SLCO6A1: variants seen among roughly 807,000 people sequenced by gnomAD.
SLCO6A1 encodes solute carrier organic anion transporter family member 6A1.
SLCO6A1 carries 65 observed loss-of-function variants against 72.7 expected under a neutral mutation model. The ratio of observed to expected loss-of-function variants is 0.89; its 90% CI spans 0.73 to 1.10. SLCO6A1 has a LOEUF of 1.10. Ranked by LOEUF, SLCO6A1 falls within the 50% of genes least tolerant of loss-of-function variation. The pLI is 0.00. For missense variants in SLCO6A1, 874 were observed against 872.6 expected, an observed-to-expected ratio of 1.00 and a Z score of -0.02; for synonymous variants, 314 against 298.2, an observed-to-expected ratio of 1.05 and a Z score of -0.55.
intron 10 of SLCO6A1, among the ~76,000 whole-genome samples, chr5:102,398,305 G>A (rs1459808737): frequency 6.6e-6 from 1 of 151,996 alleles, no homozygotes; most frequent in African/African-American, 2.4e-5. Flanking sequence ...AGCCTTCTGA[G>A]TAGCTGGGAT....
intron 12 of SLCO6A1, among the ~76,000 whole-genome samples, chr5:102,380,270 A>G (rs1746036929): frequency 7.0e-6 from 1 of 143,588 alleles, no homozygotes; most frequent in Non-Finnish European, 1.6e-5. Context: ...AAACTAAGAA[A>G]CAAAATGTTT....
chr5:102,392,549 G>T (rs1746824186), intron 10 of SLCO6A1, among the ~76,000 whole-genome samples: 1 of 151,888 alleles, frequency 6.6e-6, no homozygotes, highest in African/African-American at 2.4e-5. Context: ...CAGTTTGATT[G>T]CCACCCTCTT....
intron 7 of SLCO6A1, among the ~76,000 whole-genome samples, chr5:102,421,794 A>G (rs991384869): frequency 6.6e-6 from 1 of 152,160 alleles, no homozygotes; most frequent in Non-Finnish European, 1.5e-5. Flanking sequence ...TGCTTCCTCA[A>G]GTGGGTCCCT....
intron 4 of SLCO6A1, among the ~76,000 whole-genome samples, chr5:102,469,458 CTGTG>C (rs1460370217): frequency 2.0e-5 from 3 of 151,498 alleles, no homozygotes; most frequent in African/African-American, 7.3e-5. Context: ...ATTTTGCTCT[CTGTG>C]TGTTATTGGT....
intron 1 of SLCO6A1, among the ~76,000 whole-genome samples, chr5:102,495,923 A>T (rs932569988): frequency 6.6e-6 from 1 of 152,212 alleles, no homozygotes; most frequent in Non-Finnish European, 1.5e-5. Flanking sequence ...AAGTATGAGG[A>T]AGTGTTCCAG....
intron 9 of SLCO6A1, among the ~76,000 whole-genome samples, chr5:102,408,904 T>C (rs1446101580): frequency 6.6e-6 from 1 of 152,196 alleles, no homozygotes; most frequent in Non-Finnish European, 1.5e-5. Context: ...TTGCTTCTTA[T>C]AATCCTTAAT....
At chr5:102,431,445 G>T (rs1033749289) in intron 7 of SLCO6A1, among the ~76,000 whole-genome samples, 16 of 151,928 alleles carry the variant, frequency 1.1e-4, no homozygotes, top group Non-Finnish European at 1.5e-4. Flanking sequence ...AGAGATTCTG[G>T]TGTTTTGTAT....
rs368200391 is a variant in SLCO6A1, at chr5:102,457,821, T to A, written c.1131+561A>T. Among the ~76,000 whole-genome samples, 19 of 152,328 alleles carry A rather than the reference T, an allele frequency of 1.2e-4. No homozygotes were observed. The East Asian group carries it at 1.4e-3, about 11-fold the overall frequency. ...TGCACATGTATGTTTACTGTGGCAC[T>A]ATTCACAATAGCAAAGACTTGGAAC... is the stretch of plus-strand genomic sequence containing the variant. On this transcript the variant is annotated intron_variant, in intron 6 of 13. Transcript: ENST00000506729.
At chr5:102,392,456 A>G (rs960008478) in intron 10 of SLCO6A1, among the ~76,000 whole-genome samples, 1 of 151,984 alleles carries the variant, frequency 6.6e-6, no homozygotes, top group African/African-American at 2.4e-5. Flanking sequence ...CTTTTATGTC[A>G]TATGATATTG....
chr5:102,442,886 A>AC (rs201246736), intron 6 of SLCO6A1, among the ~76,000 whole-genome samples: 32,330 of 151,984 alleles, frequency 0.21, 4,544 homozygotes, highest in Non-Finnish European at 0.28. Flanking sequence ...ACATGGTGAA[A>AC]CCCCGTCTCT....
At chr5:102,475,575 T>C in intron 4 of SLCO6A1, 122 bp downstream of exon 4, 1 of 570,530 alleles carries the variant, frequency 1.8e-6, no homozygotes, top group East Asian at 2.9e-5. Context: ...CACATTTGCA[T>C]ATATTTTTTC....
intron 4 of SLCO6A1, among the ~76,000 whole-genome samples, chr5:102,474,191 A>C (rs559227823): frequency 1.3e-5 from 2 of 152,064 alleles, no homozygotes; most frequent in Non-Finnish European, 2.9e-5. Flanking sequence ...GCAAAGCTAC[A>C]GTCCTCAAAA....
intron 6 of SLCO6A1, among the ~76,000 whole-genome samples, chr5:102,440,015 C>G (rs1580430717): frequency 6.6e-6 from 1 of 152,112 alleles, no homozygotes; most frequent in African/African-American, 2.4e-5. Context: ...GAGGTTGGGT[C>G]GTAAAATGAA....
chr5:102,498,394 C>T, intron 1 of SLCO6A1, 93 bp downstream of exon 1: 1 of 1,280,032 alleles, frequency 7.8e-7, no homozygotes, highest in Middle Eastern at 2.1e-4. Flanking sequence ...TGCTGGGCCA[C>T]CCCAGGGCGT....
chr5:102,490,295 G>A (rs1406622552), intron 1 of SLCO6A1, among the ~76,000 whole-genome samples: 1 of 152,100 alleles, frequency 6.6e-6, no homozygotes, highest in Non-Finnish European at 1.5e-5. Flanking sequence ...GCAAAGGATT[G>A]CTAATTATAC....
chr5:102,426,802 T>C (rs1000906489), intron 7 of SLCO6A1, among the ~76,000 whole-genome samples: 2 of 152,152 alleles, frequency 1.3e-5, no homozygotes, highest in African/African-American at 2.4e-5. Context: ...AATTCTACAA[T>C]AAAGACACAT....
At chr5:102,407,357 C>T (rs1369728957) in intron 9 of SLCO6A1, among the ~76,000 whole-genome samples, 1 of 152,172 alleles carries the variant, frequency 6.6e-6, no homozygotes, top group Non-Finnish European at 1.5e-5. Flanking sequence ...ACTGTGGGCA[C>T]ATTGCCTATT....
At chr5:102,394,523 TATC>T (rs1294582888) in intron 10 of SLCO6A1, among the ~76,000 whole-genome samples, 2 of 151,920 alleles carry the variant, frequency 1.3e-5, no homozygotes, top group Non-Finnish European at 1.5e-5. Flanking sequence ...TACAATATAA[TATC>T]ATATAGATAA....
intron 7 of SLCO6A1, among the ~76,000 whole-genome samples, chr5:102,433,414 G>A (rs139180045): frequency 3.8e-4 from 58 of 152,246 alleles, no homozygotes; most frequent in African/African-American, 1.3e-3. Context: ...AATCCTTGAA[G>A]TTCCTGTCCT....
Sources: allele counts gnomAD v4.1 joint callset (sites outside exome capture counted in the v4.1 genomes callset), GRCh38; gene constraint gnomAD v4.1.1; transcripts MANE v1.5; gene names NCBI Gene and HGNC (gene_info 2026-07-23, HGNC 2026-07-21).